The following ACSF3 variants were observed in gnomAD, a reference collection of about 807,000 sequenced individuals.
ACSF3 encodes the protein acyl-CoA synthetase family member 3.
Under a neutral mutation model 53.2 loss-of-function variants are expected in ACSF3, and 78 were observed. That is an observed-to-expected ratio of 1.47 (90% CI 1.22 to 1.77). The LOEUF is 1.77. Among genes scored for constraint, ACSF3 ranks in the 40% most tolerant of loss-of-function variants. The pLI, the probability that ACSF3 is intolerant of heterozygous loss-of-function variation, is 0.00. For synonymous variants in ACSF3, 414 were observed against 333.1 expected (o/e 1.24, Z -2.65); for missense variants, 937 against 771.1 (o/e 1.22, Z -2.55).
chr16:89,148,921 C>T (rs1279306555), intron 10 of ACSF3: 1 of 152,232 alleles, frequency 6.6e-6, no homozygotes, highest in African/African-American at 2.4e-5. Context: ...TATTCAGCTC[C>T]TCTTTACTTA....
intron 6 of ACSF3, among the ~76,000 whole-genome samples, chr16:89,117,451 T>G (rs1905331206): frequency 6.6e-6 from 1 of 151,964 alleles, no homozygotes; most frequent in African/African-American, 2.4e-5. Context: ...GAAGCTGAAA[T>G]CAGGAGCAGC....
At chr16:89,112,895 G>A (rs960704118) in intron 5 of ACSF3, among the ~76,000 whole-genome samples, 1 of 152,186 alleles carries the variant, frequency 6.6e-6, no homozygotes, top group Non-Finnish European at 1.5e-5. Context: ...TCCTGCCTGG[G>A]GCACGTTCTG....
At position 89,120,766 on chromosome 16, in the gene ACSF3, C is replaced by T. The variant is rs1373611799; in HGVS notation, c.1127-35C>T. The T allele has an allele frequency of 1.9e-6, 3 of 1,600,366 alleles. No homozygotes were observed. The East Asian group carries it at 6.7e-5, about 36-fold the overall frequency. ...TTCTCTCCTCCAGGTTCCTCTCACTCCAGCCTCCCCTTCAGTGTTTCTCCT... is the reference window on the plus strand; with the variant it reads ...TTCTCTCCTCCAGGTTCCTCTCACTTCAGCCTCCCCTTCAGTGTTTCTCCT... On this transcript the variant is annotated intron_variant, in intron 6 of 10. Transcript: ENST00000614302.
intron 8 of ACSF3, among the ~76,000 whole-genome samples, chr16:89,144,399 T>C (rs984415363): frequency 9.2e-5 from 14 of 152,184 alleles, no homozygotes; most frequent in African/African-American, 3.1e-4. Flanking sequence ...GGGCACAAGA[T>C]GGGCACCAGC....
intron 6 of ACSF3, among the ~76,000 whole-genome samples, chr16:89,117,651 G>C (rs1905397999): frequency 1.3e-5 from 2 of 152,208 alleles, no homozygotes; most frequent in South Asian, 2.1e-4. Flanking sequence ...GAGCGCCAAG[G>C]AGCAGCCCAG....
chr16:89,107,001 C>G lies in ACSF3; in HGVS notation c.822+4242C>G, dbSNP rs141465934. 1.1e-4 allele frequency among the ~76,000 whole-genome samples: 16 copies of G among 152,374 alleles called. No individual in the cohort carries two copies. The East Asian group carries it at 2.9e-3, about 28-fold the overall frequency. On this transcript the variant is annotated intron_variant, in intron 4 of 10. Transcript: ENST00000614302. ...GATCAGTCACTCGTCTCCAACAGCA[C>G]TGCCCTGGCCGACTTCCTCAGGATC...
chr16:89,112,091 G>A lies in ACSF3; in HGVS notation c.823-1G>A. On this transcript the variant is annotated splice_acceptor_variant, in intron 4 of 10. Transcript: ENST00000614302. LOFTEE classifies it high-confidence loss of function. ...TACCGAGTGCTTCCTTTCCTTCGTA[G>A]GTTTGGGAAAAGTTCTTAAGTTCTG... 6.2e-7 allele frequency: 1 copy of A among 1,614,084 alleles called. No individual in the cohort carries two copies. The highest frequency in any genetic ancestry group is 8.5e-7 in the Non-Finnish European group (1 of 1,179,932).
chr16:89,105,991 C>G (rs1316782523), intron 4 of ACSF3, among the ~76,000 whole-genome samples: 3 of 152,254 alleles, frequency 2.0e-5, no homozygotes, highest in Non-Finnish European at 2.9e-5. Context: ...CTGGCCCTTT[C>G]CAGTGCCCAC....
chr16:89,148,349 C>G (rs868521126), intron 10 of ACSF3: 1 of 152,248 alleles, frequency 6.6e-6, no homozygotes, highest in South Asian at 2.1e-4. Context: ...ATCCACCTGC[C>G]TCAGATTCCC....
chr16:89,109,510 C>T (rs1976437960), intron 4 of ACSF3, among the ~76,000 whole-genome samples: 1 of 134,378 alleles, frequency 7.4e-6, no homozygotes, highest in African/African-American at 2.8e-5. Flanking sequence ...CTCCTGGGTT[C>T]AAGCGCTTCT....
At chr16:89,138,969 C>T (rs903282383) in intron 8 of ACSF3, among the ~76,000 whole-genome samples, 4 of 152,148 alleles carry the variant, frequency 2.6e-5, no homozygotes, top group South Asian at 2.1e-4. Context: ...CCAGACTCGC[C>T]GGCTGCTGCT....
At chr16:89,121,853 T>C (rs955374501) in intron 7 of ACSF3, among the ~76,000 whole-genome samples, 1 of 152,232 alleles carries the variant, frequency 6.6e-6, no homozygotes, top group African/African-American at 2.4e-5. Context: ...GTTGGAGCGA[T>C]GGTCGTGGTT....
At chr16:89,137,633 G>A (rs372440604) in intron 8 of ACSF3, among the ~76,000 whole-genome samples, 1 of 150,294 alleles carries the variant, frequency 6.7e-6, no homozygotes, top group East Asian at 2.0e-4. Context: ...AGGACCACCA[G>A]GAGCTCACGG....
At chr16:89,108,407 A>T (rs570140869) in intron 4 of ACSF3, among the ~76,000 whole-genome samples, 67 of 152,284 alleles carry the variant, frequency 4.4e-4, no homozygotes, top group African/African-American at 1.6e-3. Flanking sequence ...CAAATCCCTC[A>T]ATTTTGTTTC....
chr16:89,100,306 T>G lies in ACSF3; in HGVS notation c.-20-356T>G, dbSNP rs58799969. 7.9e-3 allele frequency among the ~76,000 whole-genome samples: 1,205 copies of G among 152,368 alleles called. 19 individuals are homozygous for G. The highest frequency in any genetic ancestry group is 0.028 in the African/African-American group (1,151 of 41,586). ...TCTCTGCACTTCCCCCTCTCACGGG[T>G]GGTTTTCCAGGCTCAGGATTCTAAA... On this transcript the variant is annotated intron_variant, in intron 2 of 10. Transcript: ENST00000614302.
At chr16:89,122,757 A>G (rs899401099) in intron 7 of ACSF3, 1 of 153,492 alleles carries the variant, frequency 6.5e-6, no homozygotes, top group Non-Finnish European at 1.5e-5. Flanking sequence ...AATGGCAGAA[A>G]TGTTGCCAGA....
intron 8 of ACSF3, among the ~76,000 whole-genome samples, chr16:89,141,631 C>G (rs1347635208): frequency 1.3e-5 from 2 of 152,222 alleles, no homozygotes; most frequent in African/African-American, 4.8e-5. Flanking sequence ...GCATGTGGGA[C>G]TTGGGCTTTC....
chr16:89,098,759 G>A lies in ACSF3; in HGVS notation c.-25G>A. The A allele has an allele frequency of 2.2e-6, 1 of 454,174 alleles. No individual in the cohort carries two copies. Among genetic ancestry groups the A allele is most frequent in the South Asian group, 1.6e-5 (1 of 64,482 alleles). 28.1% of individuals were successfully genotyped at this position (454,174 alleles called of 1,614,324 possible). ...CTTACCTCCTCTCTCTGGCTCGGGA[G>A]CTGGGTGAGTTTGAACTTGGCCTCC... On this transcript the variant is annotated 5_prime_UTR_variant, in exon 2 of 11. Transcript: ENST00000614302.
chr16:89,117,070 G>GAGGCTGC (rs1905246793), intron 6 of ACSF3, among the ~76,000 whole-genome samples: 1 of 152,320 alleles, frequency 6.6e-6, no homozygotes, highest in African/African-American at 2.4e-5. Flanking sequence ...CCGGCTCGCT[G>GAGGCTGC]AGGCTGCAGG....
Sources: allele counts gnomAD v4.1 joint callset (sites outside exome capture counted in the v4.1 genomes callset), GRCh38; gene constraint gnomAD v4.1.1; transcripts MANE v1.5; gene names NCBI Gene and HGNC (gene_info 2026-07-23, HGNC 2026-07-21).